CALHM1: variants seen among roughly 807,000 people sequenced by gnomAD.
CALHM1 encodes calcium homeostasis modulator protein 1.
In CALHM1, 11 loss-of-function variants were observed where a neutral mutation model predicts 14.8. The ratio of observed to expected loss-of-function variants is 0.74; its 90% CI spans 0.47 to 1.23. The LOEUF (loss-of-function observed/expected upper bound fraction) is 1.23, where lower values mean the gene tolerates loss of function less well. CALHM1 is among the 50% of genes most tolerant of loss of function. The pLI, the probability that CALHM1 is intolerant of heterozygous loss-of-function variation, is 0.00. For synonymous variants in CALHM1, 215 were observed against 218.9 expected (o/e 0.98, Z 0.16); for missense variants, 458 against 496.4 (o/e 0.92, Z 0.74).
rs536765513 is a variant in CALHM1 at position 103,453,251 on chromosome 10, T to G, written c.*2011A>C. Reference sequence around the variant, plus strand: ...GGAAAGAAAAGGTACCAAGTTCTGCTTGTTTATTTGTTTGTTTCAGATCCC... The same window carrying G: ...GGAAAGAAAAGGTACCAAGTTCTGCGTGTTTATTTGTTTGTTTCAGATCCC... On this transcript the variant is annotated 3_prime_UTR_variant, in exon 2 of 2. Transcript: ENST00000329905. 6.6e-6 allele frequency: 1 copy of G among 152,142 alleles called. No homozygotes were observed. Among genetic ancestry groups the G allele is most frequent in the Non-Finnish European group, 1.5e-5 (1 of 68,044 alleles). 9.4% of individuals were successfully genotyped at this position (152,142 alleles called of 1,614,324 possible).
In CALHM1 at chr10:103,458,497, C is replaced by CGGCCCGGT; in HGVS notation, c.254_255insACCGGGCC (p.Leu86ProfsTer53). The CGGCCCGGT allele has an allele frequency of 6.2e-7, 1 of 1,612,810 alleles. No individual in the cohort carries two copies. Among genetic ancestry groups the CGGCCCGGT allele is most frequent in the Non-Finnish European group, 8.5e-7 (1 of 1,179,838 alleles). ...CGGGGTCCTTGGCCCGGCGGCCCAG[C>CGGCCCGGT]GGCCGCTTCCACTCTTCGGCCAGCA... On this transcript the variant is annotated frameshift_variant, in exon 1 of 2. Coordinates refer to ENST00000329905, the MANE Select transcript of CALHM1 (RefSeq NM_001001412.4). LOFTEE classifies it high-confidence loss of function. This position sits in a 1 kb window ranked among gnomAD's most constrained non-coding sequence, Gnocchi z 4.9.
At position 103,455,042 on chromosome 10, in the gene CALHM1, C is replaced by T. The variant is rs1484026925; in HGVS notation, c.*220G>A. The T allele has an allele frequency of 1.5e-6, 1 of 659,518 alleles. No homozygotes were observed. Among genetic ancestry groups the T allele is most frequent in the East Asian group, 2.8e-5 (1 of 35,990 alleles). 40.9% of individuals were successfully genotyped at this position (659,518 alleles called of 1,614,324 possible). A position where few individuals can be genotyped will look rare whatever the true frequency, so the allele number is the denominator to read the frequency against. On this transcript the variant is annotated 3_prime_UTR_variant, in exon 2 of 2. Transcript: ENST00000329905. ...TAGACTAATACTGCTCATGGGCCCA[C>T]TGCCCTAGGGCCATCCAGGGCAGTG...
Position 103,458,563 on chromosome 10 carries a change from C to T in CALHM1, c.189G>A (p.Val63=), listed in dbSNP as rs2033184464. 6.2e-6 allele frequency: 10 copies of T among 1,613,876 alleles called. No homozygotes were observed. The highest frequency in any genetic ancestry group is 1.6e-4 in the Middle Eastern group (1 of 6,062). Residue 63 remains valine (V), a synonymous_variant, in exon 1 of 2, where the codon GTG becomes GTA. Coordinates refer to ENST00000329905, the MANE Select transcript of CALHM1 (RefSeq NM_001001412.4). This position sits in a 1 kb window ranked among gnomAD's most constrained non-coding sequence, Gnocchi z 4.9. ...TCATGACCAGGCCAAGCAGAAAGAG[C>T]ACCAGGGGTGGCGCCAGCAGGATGC... The part of the protein sequence containing the change: ...SAGILLAPPL[V]LFLLGLVMNN...
chr10:103,456,630 A>G (rs1314431389), intron 1 of CALHM1, among the ~76,000 whole-genome samples: 1 of 152,146 alleles, frequency 6.6e-6, no homozygotes, highest in Non-Finnish European at 1.5e-5. Flanking sequence ...GCAGGTCGTG[A>G]CAGAGCACAC....
chr10:103,458,250 C>T lies in CALHM1; in HGVS notation c.502G>A (p.Asp168Asn), dbSNP rs145369663. ...GCCACCTCTCGGGCCAACAGCCAGT[C>T]GCCATCGTAGATCTCAGGGCAGGGC... ...RVPCPEIYDG[D>N]WLLAREVAVR... Residue 168 changes from aspartate to asparagine, a missense_variant, in exon 1 of 2, where the codon GAC (aspartate) becomes AAC (asparagine). Coordinates refer to ENST00000329905, the MANE Select transcript of CALHM1 (RefSeq NM_001001412.4). This position sits in a 1 kb window ranked among gnomAD's most constrained non-coding sequence, Gnocchi z 4.9. The T allele has an allele frequency of 1.9e-5, 30 of 1,612,906 alleles. No homozygotes were observed. The highest frequency in any genetic ancestry group is 9.3e-5 in the African/African-American group (7 of 74,916).
In CALHM1 at chr10:103,455,364, C is replaced by T. The variant is rs771839000; in HGVS notation, c.939G>A (p.Leu313=). Residue 313 remains leucine (L), a synonymous_variant, in exon 2 of 2, where the codon CTG becomes CTA. Coordinates refer to ENST00000329905, the MANE Select transcript of CALHM1 (RefSeq NM_001001412.4). ...LTSWHKCKPP[L]RLGQEEPPLM... ...GCGGTGGCTCCTCCTGGCCCAGCCG[C>T]AGAGGCGGTTTGCATTTGTGCCAGC... is the stretch of plus-strand genomic sequence containing the variant. 1.9e-6 allele frequency: 3 copies of T among 1,613,862 alleles called. No individual in the cohort carries two copies. Among genetic ancestry groups the T allele is most frequent in the East Asian group, 4.5e-5 (2 of 44,890 alleles).
At position 103,454,084 on chromosome 10, in the gene CALHM1, T is replaced by TC; in HGVS notation, c.*1177dup. The TC allele has an allele frequency of 6.6e-6, 1 of 152,336 alleles. No homozygotes were observed. Among genetic ancestry groups the TC allele is most frequent in the East Asian group, 1.9e-4 (1 of 5,188 alleles). The allele number at this position is 152,336 out of a possible 1,614,324, so 9.4% of individuals were successfully genotyped here. On this transcript the variant is annotated 3_prime_UTR_variant, in exon 2 of 2. Transcript: ENST00000329905. ...CTCGAGTGTTTGTGTTGCTGTCTCA[T>TC]CCCTGCCCAGGGGAGGAGGAAGGAA... is the stretch of plus-strand genomic sequence containing the variant.
rs550796953 is a variant in CALHM1, at chr10:103,455,030, C to T, written c.*232G>A. 80 of 618,216 alleles carry T rather than the reference C, an allele frequency of 1.3e-4. 1 individual carries two copies. In the South Asian group the frequency reaches 1.6e-3, roughly 13 times the overall value. The allele number at this position is 618,216 out of a possible 1,614,324, so 38.3% of individuals were successfully genotyped here. On this transcript the variant is annotated 3_prime_UTR_variant, in exon 2 of 2. Transcript: ENST00000329905. ...TTCCGACCCCTTTAGACTAATACTGCTCATGGGCCCACTGCCCTAGGGCCA... is the reference window on the plus strand; with the variant it reads ...TTCCGACCCCTTTAGACTAATACTGTTCATGGGCCCACTGCCCTAGGGCCA...
Position 103,458,219 on chromosome 10 carries a change from C to G in CALHM1, c.533G>C (p.Arg178Pro), listed in dbSNP as rs145546138. Residue 178 changes from arginine (R) to proline (P), a missense_variant, in exon 1 of 2, where the codon CGT becomes CCT. Transcript: ENST00000329905. This position sits in a 1 kb window ranked among gnomAD's most constrained non-coding sequence, Gnocchi z 4.9. ...CACCTGGGAGATGCAGCGGAGGTAA[C>G]GCACGGCCACCTCTCGGGCCAACAG... ...DWLLAREVAV[R>P]YLRCISQALG... 6.2e-7 allele frequency: 1 copy of G among 1,612,788 alleles called. No individual in the cohort carries two copies. The highest frequency in any genetic ancestry group is 8.5e-7 in the Non-Finnish European group (1 of 1,179,760).
At chr10:103,456,602 A>G (rs2033153364) in intron 1 of CALHM1, among the ~76,000 whole-genome samples, 1 of 152,234 alleles carries the variant, frequency 6.6e-6, no homozygotes, top group South Asian at 2.1e-4. Flanking sequence ...GGGCAAGCCC[A>G]GATGCCTATG....
chr10:103,455,549 C>G lies in CALHM1; in HGVS notation c.754G>C (p.Glu252Gln), dbSNP rs765898547. The G allele has an allele frequency of 2.5e-6, 4 of 1,613,834 alleles. No homozygotes were observed. The African/African-American group carries it at 4.0e-5, about 16-fold the overall frequency. Residue 252 changes from glutamate (E) to glutamine (Q), a missense_variant, in exon 2 of 2, where the codon GAG (glutamate) becomes CAG (glutamine). By Grantham distance (29) the Glu-to-Gln change is conservative. Coordinates refer to ENST00000329905, the MANE Select transcript of CALHM1 (RefSeq NM_001001412.4). ...AGCTCCAGGTCATGGTTCATGGCCT[C>G]GAAGAACTGCTGGATGCAGACCTTG... ...FAKVCIQQFF[E>Q]AMNHDLELGH...
chr10:103,455,513 G>A lies in CALHM1; in HGVS notation c.790C>T (p.His264Tyr). Residue 264 changes from histidine to tyrosine, a missense_variant, in exon 2 of 2, where the codon CAC becomes TAC. Physicochemically the swap from His to Tyr is moderately conservative, Grantham distance 83. Coordinates refer to ENST00000329905, the MANE Select transcript of CALHM1 (RefSeq NM_001001412.4). ...MNHDLELGHTHGTLATAPASA... is the reference protein window; with the variant it reads ...MNHDLELGHTYGTLATAPASA... Reference sequence around the variant, plus strand: ...GCAGGGGCCGTGGCCAGTGTCCCGTGGGTGTGACCCAGCTCCAGGTCATGG... The same window carrying A: ...GCAGGGGCCGTGGCCAGTGTCCCGTAGGTGTGACCCAGCTCCAGGTCATGG... 1 of 1,613,620 alleles carries A rather than the reference G, an allele frequency of 6.2e-7. No homozygotes were observed. The highest frequency in any genetic ancestry group is 8.5e-7 in the Non-Finnish European group (1 of 1,179,900).
rs1022371705 is a variant in CALHM1, at chr10:103,454,854, G to A, written c.*408C>T. ...CTGATGATTCCCACTCCCCGAGCCC[G>A]GAGCATAAAGGAAGAGAGGTACTGA... On this transcript the variant is annotated 3_prime_UTR_variant, in exon 2 of 2. Coordinates refer to ENST00000329905, the MANE Select transcript of CALHM1 (RefSeq NM_001001412.4). The A allele has an allele frequency of 1.2e-4, 22 of 190,300 alleles. No individual in the cohort carries two copies. Among genetic ancestry groups the A allele is most frequent in the African/African-American group, 3.8e-4 (16 of 42,624 alleles). The allele number at this position is 190,300 out of a possible 1,614,324, so 11.8% of individuals were successfully genotyped here.
chr10:103,458,882 A>G lies in CALHM1; in HGVS notation c.-131T>C, dbSNP rs984584984. The G allele has an allele frequency of 3.4e-6, 3 of 875,300 alleles. No homozygotes were observed. Among genetic ancestry groups the G allele is most frequent in the Non-Finnish European group, 5.1e-6 (3 of 586,356 alleles). The allele number at this position is 875,300 out of a possible 1,614,324, so 54.2% of individuals were successfully genotyped here. On this transcript the variant is annotated 5_prime_UTR_variant, in exon 1 of 2. Transcript: ENST00000329905. This position sits in a 1 kb window ranked among gnomAD's most constrained non-coding sequence, Gnocchi z 4.9. Reference sequence around the variant, plus strand: ...CCTGGCTGGGACCAACAGAGCTCAGAGCAGAGGCTGAGGTCACTGTCGCTT... The same window carrying G: ...CCTGGCTGGGACCAACAGAGCTCAGGGCAGAGGCTGAGGTCACTGTCGCTT...
rs1012800089 is a variant in CALHM1, at chr10:103,455,685, C to T, written c.618G>A (p.Arg206=). The change falls in exon 2 of 2, where the codon CGG becomes CGA. Residue 206 remains arginine, a synonymous_variant. Transcript: ENST00000329905. ...GGAAGGCGGCCTGCGTGAAGCAGGG[C>T]CGCACAGAGCGCACCACGAATGCCA... is the stretch of plus-strand genomic sequence containing the variant. The part of the protein sequence containing the change: ...TLLAFVVRSV[R]PCFTQAAFLK... The T allele has an allele frequency of 2.5e-6, 4 of 1,613,220 alleles. No homozygotes were observed. The highest frequency in any genetic ancestry group is 2.5e-6 in the Non-Finnish European group (3 of 1,180,030).
At position 103,455,666 on chromosome 10, in the gene CALHM1, C is replaced by T. The variant is rs374702244; in HGVS notation, c.637G>A (p.Ala213Thr). The T allele has an allele frequency of 5.1e-5, 82 of 1,613,404 alleles. No homozygotes were observed. The highest frequency in any genetic ancestry group is 6.5e-5 in the Non-Finnish European group (77 of 1,180,052). ...GACCAGTACTTGCTCTTGAGGAAGG[C>T]GGCCTGCGTGAAGCAGGGCCGCACA... ...RSVRPCFTQA[A>T]FLKSKYWSHY... Residue 213 changes from alanine (A) to threonine (T), a missense_variant, in exon 2 of 2, where the codon GCC (alanine) becomes ACC (threonine). Coordinates refer to ENST00000329905, the MANE Select transcript of CALHM1 (RefSeq NM_001001412.4).
chr10:103,453,973 T>C lies in CALHM1; in HGVS notation c.*1289A>G, dbSNP rs1461282642. 6.6e-6 allele frequency: 1 copy of C among 152,200 alleles called. No homozygotes were observed. The highest frequency in any genetic ancestry group is 2.4e-5 in the African/African-American group (1 of 41,444). 9.4% of individuals were successfully genotyped at this position (152,200 alleles called of 1,614,324 possible). On this transcript the variant is annotated 3_prime_UTR_variant, in exon 2 of 2. Transcript: ENST00000329905. Reference sequence around the variant, plus strand: ...TCATGCCAAGATCAAAATGAATCCTTAGATGCTTGGGACTTATGTCTCAGA... The same window carrying C: ...TCATGCCAAGATCAAAATGAATCCTCAGATGCTTGGGACTTATGTCTCAGA...
chr10:103,458,122 GT>G lies in CALHM1; in HGVS notation c.555+74del. ...CTGAGCAGAGGCCCCATTTTGAGAG[GT>G]AGGGGGATAGGGCCCTCCCAGAGGG... On this transcript the variant is annotated intron_variant, in intron 1 of 1. Coordinates refer to ENST00000329905, the MANE Select transcript of CALHM1 (RefSeq NM_001001412.4). This position sits in a 1 kb window ranked among gnomAD's most constrained non-coding sequence, Gnocchi z 4.9. 1 of 1,532,868 alleles carries G rather than the reference GT, an allele frequency of 6.5e-7. No homozygotes were observed. 95.0% of individuals were successfully genotyped at this position (1,532,868 alleles called of 1,614,324 possible).
Position 103,458,699 on chromosome 10 carries a change from G to T in CALHM1, c.53C>A (p.Ser18Tyr). Residue 18 changes from serine to tyrosine, a missense_variant, in exon 1 of 2, where the codon TCC (serine) becomes TAC (tyrosine). Ser to Tyr is a moderately radical substitution (Grantham distance 144). Transcript: ENST00000329905. The surrounding 1 kb of genome is among the most constrained non-coding windows in gnomAD (Gnocchi z 4.9). Reference protein sequence around the residue: ...IFQFLQSNQESFMNGICGIMA... With the variant: ...IFQFLQSNQEYFMNGICGIMA... ...GATGCCACAGATGCCATTCATGAAG[G>T]ACTCCTGGTTGGACTGCAGGAACTG... 1.2e-6 allele frequency: 2 copies of T among 1,614,118 alleles called. No homozygotes were observed. Among genetic ancestry groups the T allele is most frequent in the Non-Finnish European group, 1.7e-6 (2 of 1,180,024 alleles).
Sources: allele counts gnomAD v4.1 joint callset (sites outside exome capture counted in the v4.1 genomes callset), GRCh38; gene constraint gnomAD v4.1.1; non-coding constraint Gnocchi (gnomAD v3.1); transcripts MANE v1.5; gene names NCBI Gene and HGNC (gene_info 2026-07-23, HGNC 2026-07-21).